The following AFDN variants were observed in gnomAD, a reference collection of about 807,000 sequenced individuals.
AFDN encodes the protein afadin.
A neutral mutation model predicts 216.6 loss-of-function variants in AFDN; 68 were observed. That is an observed-to-expected ratio of 0.31 (90% CI 0.26 to 0.38). AFDN has a LOEUF of 0.38. Among genes scored for constraint, AFDN ranks in the 10% least tolerant of loss-of-function variants. AFDN has a pLI of 1.00. For missense variants in AFDN, 2,136 were observed against 2,342.0 expected, an observed-to-expected ratio of 0.91 and a Z score of 1.82; for synonymous variants, 868 against 853.7, an observed-to-expected ratio of 1.02 and a Z score of -0.29.
chr6:167,948,205 T>G, intron 28 of AFDN, 88 bp from the exon 29 acceptor site: 1 of 1,166,128 alleles, frequency 8.6e-7, no homozygotes, highest in Non-Finnish European at 1.2e-6. Context: ...CATATACTAT[T>G]TTTTAAATTT....
At chr6:167,908,233 C>T (rs1034033484) in intron 13 of AFDN, among the ~76,000 whole-genome samples, 27 of 152,310 alleles carry the variant, frequency 1.8e-4, no homozygotes, top group Admixed American at 1.6e-3. Flanking sequence ...TTGCAGGTGA[C>T]GAAGACACAG....
At chr6:167,959,434 G>A (rs565482562) in intron 30 of AFDN, among the ~76,000 whole-genome samples, 1 of 152,264 alleles carries the variant, frequency 6.6e-6, no homozygotes, top group South Asian at 2.1e-4. Flanking sequence ...ACTTACCAGA[G>A]GTACTCCGAT....
At chr6:167,918,187 A>G (rs917748149) in intron 20 of AFDN, among the ~76,000 whole-genome samples, 1 of 152,300 alleles carries the variant, frequency 6.6e-6, no homozygotes, top group East Asian at 1.9e-4. Context: ...GAACTTTCCT[A>G]TATGTGGGTA....
intron 1 of AFDN, among the ~76,000 whole-genome samples, chr6:167,846,200 G>T (rs1781657154): frequency 6.6e-6 from 1 of 151,944 alleles, no homozygotes; most frequent in Non-Finnish European, 1.5e-5. Flanking sequence ...ATCAGAGCTT[G>T]GGCGGTCTTT....
Position 167,962,571 on chromosome 6 carries a change from A to C in AFDN, c.4968+4A>C, listed in dbSNP as rs1372198382. On this transcript the variant is annotated splice_donor_region_variant and intron_variant, in intron 31 of 33. Coordinates refer to ENST00000683244, the MANE Select transcript of AFDN (RefSeq NM_001386888.1). The surrounding 1 kb of genome is among the most constrained non-coding windows in gnomAD (Gnocchi z 5.2). ...AAAACGAGACGCTGAAGAAAAGGTT[A>C]TGGTCCTTTAAGGGCAGCTAGAATT... 1 of 1,613,952 alleles carries C rather than the reference A, an allele frequency of 6.2e-7. No individual in the cohort carries two copies. Among genetic ancestry groups the C allele is most frequent in the Non-Finnish European group, 8.5e-7 (1 of 1,179,868 alleles).
chr6:167,917,319 T>C (rs755389876), intron 20 of AFDN, 87 bp downstream of exon 20: 78 of 1,276,976 alleles, frequency 6.1e-5, no homozygotes, highest in Admixed American at 8.3e-5. Context: ...AAATCCTATT[T>C]AATACGTTAA....
At chr6:167,914,090 C>A in intron 16 of AFDN, 78 bp from the exon 17 acceptor site, 1 of 1,517,526 alleles carries the variant, frequency 6.6e-7, no homozygotes, top group Non-Finnish European at 9.0e-7. Flanking sequence ...TCTTCAGCAG[C>A]TTTTCAAGAG....
chr6:167,948,782 T>C (rs1795633275), intron 29 of AFDN, among the ~76,000 whole-genome samples: 1 of 152,238 alleles, frequency 6.6e-6, no homozygotes, highest in South Asian at 2.1e-4. Context: ...TTTTGCACTG[T>C]ATCAGGAGCT....
rs200674377 is a variant in AFDN, at chr6:167,955,303, C to CG, written c.4833+3116_4833+3117insG. 4.1e-4 allele frequency among the ~76,000 whole-genome samples: 62 copies of CG among 152,140 alleles called. 1 individual carries two copies. The East Asian group carries it at 5.0e-3, about 12-fold the overall frequency. On this transcript the variant is annotated intron_variant, in intron 30 of 33. Transcript: ENST00000683244. ...AATAATAGTCCCCTTTTCCTTCCCC[C>CG]CTCAGTTTAGCACAGCGGTAATAAC...
intron 11 of AFDN, among the ~76,000 whole-genome samples, chr6:167,898,946 C>A (rs973790173): frequency 3.9e-5 from 6 of 152,142 alleles, no homozygotes; most frequent in African/African-American, 1.4e-4. Flanking sequence ...TTCTTAATGA[C>A]TATCTAGTAA....
At position 167,965,651 on chromosome 6, in the gene AFDN, T is replaced by A. The variant is rs1339782235; in HGVS notation, c.4969-106T>A. On this transcript the variant is annotated intron_variant, in intron 31 of 33. Transcript: ENST00000683244. The stretch of plus-strand genomic sequence containing the variant: ...TACATAGTAATTGTAACTATTAAAC[T>A]TTGACGTCAGTGTGATGATGAGGAT... 11 of 1,086,762 alleles carry A rather than the reference T, an allele frequency of 1.0e-5. No homozygotes were observed. In the East Asian group the frequency reaches 2.9e-4, roughly 29 times the overall value. The allele number at this position is 1,086,762 out of a possible 1,614,324, so 67.3% of individuals were successfully genotyped here.
intron 23 of AFDN, among the ~76,000 whole-genome samples, chr6:167,942,911 C>T (rs138787603): frequency 3.2e-4 from 49 of 152,250 alleles, no homozygotes; most frequent in African/African-American, 1.1e-3. Flanking sequence ...CTTAAATTAA[C>T]TTCAGGATTC....
intron 2 of AFDN, among the ~76,000 whole-genome samples, chr6:167,865,386 C>T (rs1784063083): frequency 6.6e-6 from 1 of 151,976 alleles, no homozygotes; most frequent in Non-Finnish European, 1.5e-5. Context: ...AATCCTGACA[C>T]TTTGGGAGGC....
At chr6:167,884,888 C>T (rs1046877249) in intron 6 of AFDN, among the ~76,000 whole-genome samples, 3 of 152,162 alleles carry the variant, frequency 2.0e-5, no homozygotes, top group Admixed American at 1.3e-4. Context: ...TAGATGGCTG[C>T]TTTTTCCAAT....
At chr6:167,869,269 T>A (rs931914233) in intron 2 of AFDN, among the ~76,000 whole-genome samples, 2 of 152,126 alleles carry the variant, frequency 1.3e-5, no homozygotes, top group Non-Finnish European at 2.9e-5. Flanking sequence ...TACTCAACTC[T>A]GAAAGTGCTG....
Position 167,915,287 on chromosome 6 carries a change from A to G in AFDN, c.2419A>G (p.Asn807Asp), listed in dbSNP as rs769441891. 1 of 1,614,260 alleles carries G rather than the reference A, an allele frequency of 6.2e-7. No individual in the cohort carries two copies. Among genetic ancestry groups the G allele is most frequent in the Non-Finnish European group, 8.5e-7 (1 of 1,180,042 alleles). The stretch of plus-strand genomic sequence containing the variant: ...CCACTTCATCAATATGTGGCTGTTC[A>G]ATAGATTGGTGACCGACCCAGATTC... ...LFHFINMWLF[N>D]RLVTDPDSGL... The change falls in exon 19 of 34, where the codon AAT (asparagine) becomes GAT (aspartate). Residue 807 changes from asparagine to aspartate, a missense_variant. By Grantham distance (23) the Asn-to-Asp change is conservative. This residue lies in a region of AFDN where 817 missense variants were observed against 965.7 expected (regional missense o/e 0.85). Transcript: ENST00000683244.
intron 3 of AFDN, among the ~76,000 whole-genome samples, 178 bp downstream of exon 3, chr6:167,870,676 T>A (rs894531816): frequency 6.6e-6 from 1 of 152,234 alleles, no homozygotes; most frequent in African/African-American, 2.4e-5. Context: ...CTTTATCCTT[T>A]ATCTCAACTA....
chr6:167,883,882 T>C (rs1786457011), intron 6 of AFDN, among the ~76,000 whole-genome samples: 1 of 107,580 alleles, frequency 9.3e-6, no homozygotes, highest in Non-Finnish European at 2.1e-5. Context: ...ACTCTTCCTT[T>C]CACAAAACAT....
intron 20 of AFDN, 44 bp downstream of exon 20, chr6:167,917,276 T>C (rs1318542796): frequency 2.2e-5 from 31 of 1,433,554 alleles, no homozygotes; most frequent in Non-Finnish European, 2.8e-5. Flanking sequence ...GGGACATGTT[T>C]GCATGGGGAC....
Sources: allele counts gnomAD v4.1 joint callset (sites outside exome capture counted in the v4.1 genomes callset), GRCh38; gene constraint gnomAD v4.1.1; regional missense constraint gnomAD v4.1.1; non-coding constraint Gnocchi (gnomAD v3.1); transcripts MANE v1.5; gene names NCBI Gene and HGNC (gene_info 2026-07-23, HGNC 2026-07-21).